Variants in NAA16 observed in about 807,000 individuals in gnomAD.
NAA16 encodes the protein N-alpha-acetyltransferase 16, NatA auxiliary subunit.
In NAA16, 97 loss-of-function variants were observed where a neutral mutation model predicts 110.3. That is an observed-to-expected ratio of 0.88 (90% confidence interval 0.75 to 1.04). NAA16 has a LOEUF of 1.04. Among genes scored for constraint, NAA16 ranks in the 50% least tolerant of loss-of-function variants. The probability of loss-of-function intolerance (pLI) is 0.00; values close to 1 mark genes in which losing one functional copy is unlikely to be tolerated. For synonymous variants in NAA16, 372 were observed against 330.6 expected (o/e 1.13, Z -1.36); for missense variants, 1,017 against 1,005.1 (o/e 1.01, Z -0.16).
chr13:41,344,623 A>G (rs1362589681), intron 9 of NAA16, among the ~76,000 whole-genome samples: 3 of 152,186 alleles, frequency 2.0e-5, no homozygotes, highest in African/African-American at 7.2e-5. Context: ...TGGGCTAGAT[A>G]ATTCTTTGTA....
At chr13:41,336,503 A>G in intron 8 of NAA16, 147 bp from the exon 9 acceptor site, 1 of 551,506 alleles carries the variant, frequency 1.8e-6, no homozygotes, top group Non-Finnish European at 3.2e-6. Flanking sequence ...GATAGTTGAT[A>G]ACTTTTACTT....
chr13:41,320,653 CCTTAA>C lies in NAA16; in HGVS notation c.245-8_245-4del, dbSNP rs768429035. On this transcript the variant is annotated splice_polypyrimidine_tract_variant and intron_variant, in intron 3 of 19. Coordinates refer to ENST00000379406, the MANE Select transcript of NAA16 (RefSeq NM_024561.5). ...CTAGTGTCTGTGTATGTCTTTGTTT[CCTTAA>C]CTTAATAGGTTGGCATGTATATGGA... is the stretch of plus-strand genomic sequence containing the variant. 1.5e-4 allele frequency: 239 copies of C among 1,582,144 alleles called. No homozygotes were observed. Among genetic ancestry groups the C allele is most frequent in the African/African-American group, 9.5e-5 (7 of 73,374 alleles).
chr13:41,319,133 GTTTA>G (rs1166534779), intron 3 of NAA16, among the ~76,000 whole-genome samples: 2 of 151,966 alleles, frequency 1.3e-5, no homozygotes, highest in Non-Finnish European at 2.9e-5. Context: ...CCTACCCCGT[GTTTA>G]TTTATTGGAA....
chr13:41,340,810 G>A (rs752499016), intron 9 of NAA16, among the ~76,000 whole-genome samples: 1 of 151,784 alleles, frequency 6.6e-6, no homozygotes, highest in Non-Finnish European at 1.5e-5. Flanking sequence ...CAGATCAGCC[G>A]GGACTGCAGG....
At chr13:41,370,897 A>G (rs1261979477) in intron 15 of NAA16, among the ~76,000 whole-genome samples, 4 of 152,234 alleles carry the variant, frequency 2.6e-5, no homozygotes, top group Non-Finnish European at 1.5e-5. Flanking sequence ...TGGAAGGATT[A>G]CATCATCAAG....
Position 41,372,641 on chromosome 13 carries a change from TTTG to T in NAA16, c.2057-84_2057-82del. The T allele has an allele frequency of 7.4e-6, 10 of 1,357,348 alleles. No homozygotes were observed. In the South Asian group the frequency reaches 2.1e-4, roughly 28 times the overall value. 84.1% of individuals were successfully genotyped at this position (1,357,348 alleles called of 1,614,324 possible). Reference sequence around the variant, plus strand: ...ACGAGTGTTATAAAAAAGGTAGCATTTTGTTGTTGAACTTAAGTGAGACTGAAA... The same window carrying T: ...ACGAGTGTTATAAAAAAGGTAGCATTTTGTTGAACTTAAGTGAGACTGAAA... On this transcript the variant is annotated intron_variant, in intron 16 of 19. Transcript: ENST00000379406.
intron 13 of NAA16, among the ~76,000 whole-genome samples, chr13:41,365,136 G>C (rs886771962): frequency 6.6e-6 from 1 of 152,078 alleles, no homozygotes; most frequent in East Asian, 1.9e-4. Context: ...TTGGCCAAAA[G>C]GTACAGGGAA....
chr13:41,315,068 AAAT>A, intron 1 of NAA16, among the ~76,000 whole-genome samples: 1 of 152,318 alleles, frequency 6.6e-6, no homozygotes, highest in South Asian at 2.1e-4. Flanking sequence ...GACAGACACT[AAAT>A]AATAGCATAA....
At position 41,358,903 on chromosome 13, in the gene NAA16, T is replaced by C. The variant is rs1016284447; in HGVS notation, c.1351T>C (p.Tyr451His). 1 of 1,612,302 alleles carries C rather than the reference T, an allele frequency of 6.2e-7. No homozygotes were observed. The highest frequency in any genetic ancestry group is 8.5e-7 in the Non-Finnish European group (1 of 1,178,776). The change falls in exon 12 of 20, where the codon TAC becomes CAC. Residue 451 changes from tyrosine to histidine, a missense_variant. By Grantham distance (83) the Tyr-to-His change is moderately conservative (BLOSUM62 2). Transcript: ENST00000379406. ...ATTCATCAATTCCAAATGTGCAAAA[T>C]ACATGCTTCGAGCAAATATGATAAA... The part of the protein sequence containing the change: ...DRFINSKCAK[Y>H]MLRANMIKEA...
intron 15 of NAA16, among the ~76,000 whole-genome samples, chr13:41,370,481 C>G (rs2043293823): frequency 6.6e-6 from 1 of 152,178 alleles, no homozygotes; most frequent in Admixed American, 6.5e-5. Flanking sequence ...GGATTATGAC[C>G]ATGGCTGCCT....
intron 13 of NAA16, among the ~76,000 whole-genome samples, chr13:41,365,647 C>T (rs904914264): frequency 5.3e-5 from 8 of 152,066 alleles, no homozygotes; most frequent in Non-Finnish European, 1.2e-4. Flanking sequence ...TGAGTGGGTT[C>T]GCAAGACACA....
At chr13:41,326,270 A>G (rs2042091476) in intron 6 of NAA16, among the ~76,000 whole-genome samples, 1 of 152,202 alleles carries the variant, frequency 6.6e-6, no homozygotes, top group African/African-American at 2.4e-5. Flanking sequence ...TTATGGGCTA[A>G]TTATGAAGAC....
At chr13:41,355,460 C>T (rs2042957111) in intron 10 of NAA16, among the ~76,000 whole-genome samples, 1 of 152,144 alleles carries the variant, frequency 6.6e-6, no homozygotes. Flanking sequence ...GACGGAGTCT[C>T]ATCCTGTCAC....
At chr13:41,320,429 A>G (rs564276926) in intron 3 of NAA16, among the ~76,000 whole-genome samples, 2 of 152,240 alleles carry the variant, frequency 1.3e-5, no homozygotes, top group Non-Finnish European at 1.5e-5. Context: ...TAGAGAGAAC[A>G]GAATAATGAC....
intron 10 of NAA16, among the ~76,000 whole-genome samples, chr13:41,357,701 G>A (rs1477009312): frequency 6.6e-6 from 1 of 152,178 alleles, no homozygotes. Context: ...GAGGGTACAG[G>A]ATGGGGAACA....
chr13:41,325,038 A>G (rs938320577), intron 5 of NAA16, among the ~76,000 whole-genome samples: 4 of 143,664 alleles, frequency 2.8e-5, no homozygotes, highest in African/African-American at 1.0e-4. Flanking sequence ...AGCTCACTGC[A>G]ACCTCCACTT....
chr13:41,362,651 T>C (rs2043136183), intron 13 of NAA16: 2 of 1,197,624 alleles, frequency 1.7e-6, no homozygotes, highest in Non-Finnish European at 2.2e-6. Context: ...TAGGATTATT[T>C]GTGTGATGTG....
chr13:41,376,503 G>GT lies in NAA16; in HGVS notation c.*903dup. 6.6e-6 allele frequency: 1 copy of GT among 152,156 alleles called. No homozygotes were observed. The allele number at this position is 152,156 out of a possible 1,614,324, so 9.4% of individuals were successfully genotyped here. A position where few individuals can be genotyped will look rare whatever the true frequency, so the allele number is the denominator to read the frequency against. ...GTCATGGAAATTCACTGGTAAAATT[G>GT]TTGAATATTTCTCTCTCCCAGTCTT... On this transcript the variant is annotated 3_prime_UTR_variant, in exon 20 of 20. Coordinates refer to ENST00000379406, the MANE Select transcript of NAA16 (RefSeq NM_024561.5).
At chr13:41,311,781 T>C (rs891855984) in intron 1 of NAA16, among the ~76,000 whole-genome samples, 199 bp downstream of exon 1, 6 of 152,166 alleles carry the variant, frequency 3.9e-5, no homozygotes, top group African/African-American at 1.4e-4. Context: ...CTCCGTGCGC[T>C]TCCTTTCCGC....
Sources: gnomAD v4.1 joint callset for allele counts (sites outside exome capture counted in the v4.1 genomes callset) on GRCh38, gnomAD v4.1.1 for gene constraint, MANE v1.5 for transcripts, NCBI Gene and HGNC (gene_info 2026-07-23, HGNC 2026-07-21) for gene names.